The following LAMA4 variants were observed in gnomAD, a reference collection of about 807,000 sequenced individuals.
LAMA4 encodes laminin subunit alpha-4.
In LAMA4, 127 loss-of-function variants were observed where a neutral mutation model predicts 207.1. That is an observed-to-expected ratio of 0.61 (90% CI 0.53 to 0.71). The LOEUF is 0.71. Ranked by LOEUF, LAMA4 falls within the 30% of genes least tolerant of loss-of-function variation. The probability of loss-of-function intolerance (pLI) is 0.00; values close to 1 mark genes in which losing one functional copy is unlikely to be tolerated. For missense variants in LAMA4, 2,093 were observed against 2,246.5 expected, an observed-to-expected ratio of 0.93 and a Z score of 1.38; for synonymous variants, 761 against 816.0, an observed-to-expected ratio of 0.93 and a Z score of 1.15.
In LAMA4 at chr6:112,155,755, A is replaced by G. The variant is rs781915103; in HGVS notation, c.1818-49T>C. On this transcript the variant is annotated intron_variant, in intron 14 of 38. Coordinates refer to ENST00000230538, the MANE Select transcript of LAMA4 (RefSeq NM_001105206.3). The stretch of plus-strand genomic sequence containing the variant: ...TTTCTCCTTCTTACCTTCTTGGGGA[A>G]TGGGGCCATGTTTAATGCTTGCTTT... 29 of 1,591,288 alleles carry G rather than the reference A, an allele frequency of 1.8e-5. 1 individual carries two copies. The South Asian group carries it at 3.1e-4, about 17-fold the overall frequency.
chr6:112,133,196 G>A (rs989289694), intron 27 of LAMA4, among the ~76,000 whole-genome samples, 153 bp downstream of exon 27: 3 of 152,166 alleles, frequency 2.0e-5, no homozygotes, highest in Non-Finnish European at 2.9e-5. Context: ...ATGCACAAGA[G>A]CCCTTCTAGC....
chr6:112,241,152 T>TC (rs1786436804), intron 2 of LAMA4, among the ~76,000 whole-genome samples: 4 of 98,474 alleles, frequency 4.1e-5, no homozygotes, highest in African/African-American at 1.9e-4. Context: ...TATATATGAA[T>TC]ATATATATGA....
chr6:112,108,832 T>G lies in LAMA4; in HGVS notation c.*605A>C, dbSNP rs1777548050. ...AAAGTAGTTGATTTCCTGTGTTTCT[T>G]ATTTAGAAAAAATTAAATTATACTG... is the stretch of plus-strand genomic sequence containing the variant. On this transcript the variant is annotated 3_prime_UTR_variant, in exon 39 of 39. Coordinates refer to ENST00000230538, the MANE Select transcript of LAMA4 (RefSeq NM_001105206.3). The G allele has an allele frequency of 6.6e-6, 1 of 152,506 alleles. No individual in the cohort carries two copies. The highest frequency in any genetic ancestry group is 1.5e-5 in the Non-Finnish European group (1 of 68,252). The allele number at this position is 152,506 out of a possible 1,614,324, so 9.4% of individuals were successfully genotyped here.
intron 16 of LAMA4, among the ~76,000 whole-genome samples, chr6:112,153,654 T>G (rs1780529300): frequency 1.3e-5 from 2 of 152,126 alleles, no homozygotes; most frequent in Non-Finnish European, 2.9e-5. Context: ...GACTGACACA[T>G]TCTGATCTTC....
intron 19 of LAMA4, 70 bp downstream of exon 19, chr6:112,144,724 C>T (rs1779913407): frequency 1.3e-6 from 2 of 1,561,194 alleles, no homozygotes; most frequent in Admixed American, 1.7e-5. Context: ...TGGAAGCTGC[C>T]CAAGCAGTTG....
At chr6:112,222,611 G>T (rs58543421) in intron 2 of LAMA4, among the ~76,000 whole-genome samples, 7,247 of 152,218 alleles carry the variant, frequency 0.048, 524 homozygotes, top group African/African-American at 0.16. Context: ...TGGAGACAGG[G>T]TTATCACATG....
At chr6:112,238,036 G>T (rs79128042) in intron 2 of LAMA4, among the ~76,000 whole-genome samples, 3,878 of 152,284 alleles carry the variant, frequency 0.025, 76 homozygotes, top group Non-Finnish European at 0.042. Context: ...CTTTCCAGAA[G>T]AAACTCTGTG....
At chr6:112,253,752 A>C in intron 2 of LAMA4, 1 of 1,613,810 alleles carries the variant, frequency 6.2e-7, no homozygotes, top group Non-Finnish European at 8.5e-7. Flanking sequence ...CACATTCCGA[A>C]GCCTCAACTT....
intron 38 of LAMA4, 46 bp downstream of exon 38, chr6:112,114,030 C>T: frequency 6.2e-7 from 1 of 1,608,986 alleles, no homozygotes; most frequent in East Asian, 2.2e-5. Flanking sequence ...ATTGTGAGAA[C>T]TCAGTTTTTT....
At chr6:112,238,434 G>C (rs548639741) in intron 2 of LAMA4, among the ~76,000 whole-genome samples, 1 of 152,180 alleles carries the variant, frequency 6.6e-6, no homozygotes, top group Non-Finnish European at 1.5e-5. Context: ...AGTTGGCCAG[G>C]CATGGTGGCT....
intron 11 of LAMA4, among the ~76,000 whole-genome samples, chr6:112,174,735 C>T (rs1249926390): frequency 1.3e-5 from 2 of 152,366 alleles, no homozygotes; most frequent in East Asian, 3.9e-4. Flanking sequence ...TTGTGATCCA[C>T]CCACCTTGGC....
intron 13 of LAMA4, among the ~76,000 whole-genome samples, chr6:112,163,396 C>T (rs1781191075): frequency 6.6e-6 from 1 of 152,008 alleles, no homozygotes; most frequent in South Asian, 2.1e-4. Context: ...GCCTGCAGAG[C>T]CTAAAATATT....
At chr6:112,217,595 C>T (rs1554359135) in intron 2 of LAMA4, 1 of 152,062 alleles carries the variant, frequency 6.6e-6, no homozygotes, top group African/African-American at 2.4e-5. Flanking sequence ...GAAAGAGTCA[C>T]TAAACACCAT....
chr6:112,109,025 A>G lies in LAMA4; in HGVS notation c.*412T>C, dbSNP rs782738278. 2.7e-4 allele frequency: 59 copies of G among 216,158 alleles called. No homozygotes were observed. Among genetic ancestry groups the G allele is most frequent in the Middle Eastern group, 1.8e-3 (1 of 556 alleles). 13.4% of individuals were successfully genotyped at this position (216,158 alleles called of 1,614,324 possible). Reference sequence around the variant, plus strand: ...TTAGTAAGTCTCTTCAAAATAAAGAAAGGTAGTTTTAGGACAGAGATTTTT... The same window carrying G: ...TTAGTAAGTCTCTTCAAAATAAAGAGAGGTAGTTTTAGGACAGAGATTTTT... On this transcript the variant is annotated 3_prime_UTR_variant, in exon 39 of 39. Transcript: ENST00000230538.
At chr6:112,143,970 A>G (rs1554333915) in intron 19 of LAMA4, among the ~76,000 whole-genome samples, 1 of 152,220 alleles carries the variant, frequency 6.6e-6, no homozygotes, top group Non-Finnish European at 1.5e-5. Context: ...AATCTTCTAC[A>G]TTACGAAATA....
chr6:112,203,718 T>C (rs1783891705), intron 4 of LAMA4, among the ~76,000 whole-genome samples: 1 of 152,204 alleles, frequency 6.6e-6, no homozygotes, highest in South Asian at 2.1e-4. Flanking sequence ...TAAAATCCCT[T>C]GGTCTCTCAC....
chr6:112,155,686 A>G lies in LAMA4; in HGVS notation c.1838T>C (p.Met613Thr). ...ELSRKLHSSD[M>T]NGLVQKALDA... ...CAAAGCCTTCTGTACCAGCCCGTTC[A>G]TATCTGAACTGTGCAACTTCCTGTT... Residue 613 changes from methionine to threonine, a missense_variant, in exon 15 of 39, where the codon ATG becomes ACG. Physicochemically the swap from Met to Thr is moderately conservative, Grantham distance 81. Transcript: ENST00000230538. The G allele has an allele frequency of 2.5e-6, 4 of 1,614,176 alleles. No homozygotes were observed. Among genetic ancestry groups the G allele is most frequent in the Non-Finnish European group, 3.4e-6 (4 of 1,180,006 alleles).
chr6:112,177,815 T>A (rs75077111), intron 10 of LAMA4, among the ~76,000 whole-genome samples: 151 of 152,304 alleles, frequency 9.9e-4, no homozygotes, highest in African/African-American at 3.5e-3. Flanking sequence ...ACTCAACTCT[T>A]GCATTTTAGA....
chr6:112,236,132 G>A (rs1014442566), intron 2 of LAMA4: 1 of 152,186 alleles, frequency 6.6e-6, no homozygotes, highest in Admixed American at 6.5e-5. Flanking sequence ...AGGAAACTTG[G>A]TTGTGGTTCC....
Sources: allele counts gnomAD v4.1 joint callset (sites outside exome capture counted in the v4.1 genomes callset), GRCh38; gene constraint gnomAD v4.1.1; transcripts MANE v1.5; gene names NCBI Gene and HGNC (gene_info 2026-07-23, HGNC 2026-07-21).